MAPK10: variants seen among roughly 807,000 people sequenced by gnomAD.
The protein encoded by MAPK10 is JNK3 alpha protein kinase.
In MAPK10, 25 loss-of-function variants were observed where a neutral mutation model predicts 59.3. The observed-to-expected ratio is 0.42, with a 90% CI of 0.31 to 0.59. The LOEUF (loss-of-function observed/expected upper bound fraction) is 0.59, where lower values mean the gene tolerates loss of function less well. Ranked by LOEUF, MAPK10 falls within the 20% of genes least tolerant of loss-of-function variation. The pLI is 0.15. For synonymous variants in MAPK10, 190 were observed against 200.5 expected (o/e 0.95, Z 0.44); for missense variants, 351 against 568.9 (o/e 0.62, Z 3.90).
At chr4:86,554,069 G>C (rs1760068202) in intron 1 of MAPK10, among the ~76,000 whole-genome samples, 1 of 152,046 alleles carries the variant, frequency 6.6e-6, no homozygotes, top group African/African-American at 2.4e-5. Flanking sequence ...ACAGAAAGGG[G>C]AGGAGAAGGC....
chr4:86,125,572 C>T (rs1429026193), intron 4 of MAPK10: 1 of 152,022 alleles, frequency 6.6e-6, no homozygotes, highest in Non-Finnish European at 1.5e-5. Flanking sequence ...TTACATGTCA[C>T]TCCCCCAAGA....
intron 1 of MAPK10, among the ~76,000 whole-genome samples, chr4:86,556,050 A>T (rs1380604988): frequency 6.6e-6 from 1 of 152,190 alleles, no homozygotes; most frequent in African/African-American, 2.4e-5. Context: ...TTTACAGTCC[A>T]TTGCATTTTA....
intron 1 of MAPK10, among the ~76,000 whole-genome samples, chr4:86,590,631 A>T (rs1762971252): frequency 1.3e-5 from 2 of 152,014 alleles, no homozygotes; most frequent in Non-Finnish European, 2.9e-5. Flanking sequence ...AAACTTTTTT[A>T]AAAAATTAGC....
At chr4:86,387,559 T>C (rs560901079) in intron 1 of MAPK10, among the ~76,000 whole-genome samples, 3 of 152,346 alleles carry the variant, frequency 2.0e-5, no homozygotes, top group African/African-American at 7.2e-5. Context: ...AGCAAGTCCC[T>C]GACCACTTAA....
At chr4:86,448,675 G>A (rs549287816) in intron 1 of MAPK10, among the ~76,000 whole-genome samples, 14 of 152,236 alleles carry the variant, frequency 9.2e-5, no homozygotes, top group Non-Finnish European at 1.8e-4. Flanking sequence ...ACCAGGGACC[G>A]GATTCATGGA....
intron 2 of MAPK10, among the ~76,000 whole-genome samples, chr4:86,204,119 A>G (rs540397856): frequency 1.3e-5 from 2 of 152,028 alleles, no homozygotes; most frequent in South Asian, 4.1e-4. Flanking sequence ...ATAAGCTATA[A>G]AGCCTAAGAT....
At chr4:86,464,688 C>T (rs558896863) in intron 1 of MAPK10, among the ~76,000 whole-genome samples, 12 of 152,174 alleles carry the variant, frequency 7.9e-5, no homozygotes, top group Admixed American at 3.9e-4. Context: ...GGCATGGTGG[C>T]GGGCACCTCT....
chr4:86,070,953 T>C (rs1360559013), intron 9 of MAPK10, among the ~76,000 whole-genome samples: 2 of 152,102 alleles, frequency 1.3e-5, no homozygotes, highest in Admixed American at 6.5e-5. Flanking sequence ...TCTAGATCCC[T>C]GAGGAATCGC....
intron 4 of MAPK10, among the ~76,000 whole-genome samples, chr4:86,131,029 C>T (rs942534786): frequency 2.0e-5 from 3 of 152,014 alleles, no homozygotes; most frequent in East Asian, 3.9e-4. Flanking sequence ...TGGGATAGAT[C>T]ATAATATAAG....
intron 1 of MAPK10, among the ~76,000 whole-genome samples, chr4:86,356,306 T>C (rs998460766): frequency 9.2e-5 from 14 of 152,182 alleles, no homozygotes; most frequent in East Asian, 1.9e-4. Flanking sequence ...TTACATCTCA[T>C]AGTCACCAGA....
intron 2 of MAPK10, among the ~76,000 whole-genome samples, chr4:86,295,672 G>A (rs2095342146): frequency 6.7e-6 from 1 of 149,446 alleles, no homozygotes; most frequent in Non-Finnish European, 1.5e-5. Context: ...ACAAAAATAT[G>A]TTATAGCTTT....
At chr4:86,034,627 C>T (rs1250708963) in intron 11 of MAPK10, among the ~76,000 whole-genome samples, 1 of 152,120 alleles carries the variant, frequency 6.6e-6, no homozygotes, top group African/African-American at 2.4e-5. Flanking sequence ...CTGCTGACCA[C>T]AAGGAGTTCA....
intron 1 of MAPK10, among the ~76,000 whole-genome samples, chr4:86,430,562 G>A (rs1747901945): frequency 6.6e-6 from 1 of 152,126 alleles, no homozygotes. Flanking sequence ...CCATAGAGTT[G>A]GGTCAAGAGC....
chr4:86,047,846 C>T (rs373826775), intron 11 of MAPK10, among the ~76,000 whole-genome samples: 37 of 152,048 alleles, frequency 2.4e-4, no homozygotes, highest in Non-Finnish European at 4.1e-4. Context: ...GTGAATGTAA[C>T]GTGTTTTACA....
intron 4 of MAPK10, among the ~76,000 whole-genome samples, chr4:86,144,002 A>C (rs1006555586): frequency 6.6e-6 from 1 of 152,196 alleles, no homozygotes; most frequent in Non-Finnish European, 1.5e-5. Flanking sequence ...AATTAATCAT[A>C]CTAAATTGCT....
intron 1 of MAPK10, among the ~76,000 whole-genome samples, chr4:86,459,820 C>T (rs1751567692): frequency 1.3e-5 from 2 of 150,956 alleles, no homozygotes; most frequent in Admixed American, 1.3e-4. Context: ...GGAGTGTATA[C>T]TGCTCGGGTG....
intron 2 of MAPK10, among the ~76,000 whole-genome samples, chr4:86,260,003 C>A (rs1402071760): frequency 6.6e-6 from 1 of 152,062 alleles, no homozygotes; most frequent in African/African-American, 2.4e-5. Context: ...ATTCAAATTT[C>A]TCTTTTACTA....
At chr4:86,261,178 A>G (rs1179793332) in intron 2 of MAPK10, among the ~76,000 whole-genome samples, 1 of 152,236 alleles carries the variant, frequency 6.6e-6, no homozygotes, top group African/African-American at 2.4e-5. Context: ...CTACCTTAAT[A>G]CAGAAGTAGA....
intron 2 of MAPK10, among the ~76,000 whole-genome samples, chr4:86,279,327 A>G (rs1386676709): frequency 2.6e-5 from 4 of 152,026 alleles, no homozygotes; most frequent in Admixed American, 2.6e-4. Flanking sequence ...CTGATCACTT[A>G]TCTTAGTCAA....
Sources: gnomAD v4.1 joint callset for allele counts (sites outside exome capture counted in the v4.1 genomes callset) on GRCh38, gnomAD v4.1.1 for gene constraint, MANE v1.5 for transcripts, NCBI Gene and HGNC (gene_info 2026-07-23, HGNC 2026-07-21) for gene names.